Variants in C1GALT1 observed in about 807,000 individuals in gnomAD.
C1GALT1 encodes the protein core 1 synthase, glycoprotein-N-acetylgalactosamine 3-beta-galactosyltransferase 1.
In C1GALT1, 11 loss-of-function variants were observed where a neutral mutation model predicts 31.0. The ratio of observed to expected loss-of-function variants is 0.36; its 90% CI spans 0.22 to 0.59. C1GALT1 has a LOEUF of 0.59. C1GALT1 is among the 20% of genes least tolerant of loss of function. The pLI is 0.79. For missense variants in C1GALT1, 424 were observed against 425.2 expected (o/e 1.00, Z 0.03); for synonymous variants, 175 against 143.6 (o/e 1.22, Z -1.56).
At chr7:7,183,500 A>AT in intron 1 of C1GALT1, 4 of 792,472 alleles carry the variant, frequency 5.0e-6, no homozygotes, top group Non-Finnish European at 6.1e-6. Context: ...AAAGGCATTA[A>AT]ATTTTTTTTT....
In C1GALT1 at chr7:7,197,824, C is replaced by T. The variant is rs184613071; in HGVS notation, c.-18+15004C>T. Among the ~76,000 whole-genome samples, 577 of 152,232 alleles carry T rather than the reference C, an allele frequency of 3.8e-3. 5 individuals are homozygous for T. Among genetic ancestry groups the T allele is most frequent in the African/African-American group, 0.013 (551 of 41,528 alleles). On this transcript the variant is annotated intron_variant, in intron 1 of 3. Coordinates refer to ENST00000436587, the MANE Select transcript of C1GALT1 (RefSeq NM_020156.5). ...AAGCAGTCGTGAATGGGAGTTCACTCATGATTTGGCTCTCTGTCTGTTATT... is the reference window on the plus strand; with the variant it reads ...AAGCAGTCGTGAATGGGAGTTCACTTATGATTTGGCTCTCTGTCTGTTATT...
At chr7:7,220,035 T>C (rs1008866645) in intron 1 of C1GALT1, among the ~76,000 whole-genome samples, 2 of 152,236 alleles carry the variant, frequency 1.3e-5, no homozygotes, top group African/African-American at 4.8e-5. Flanking sequence ...AAGCTTATTA[T>C]GTACAGGCAC....
intron 1 of C1GALT1, among the ~76,000 whole-genome samples, chr7:7,183,753 T>G (rs1780694911): frequency 6.6e-6 from 1 of 151,998 alleles, no homozygotes; most frequent in South Asian, 2.1e-4. Context: ...TCTCAAGATT[T>G]CTAACCTAGT....
chr7:7,201,007 C>G (rs1346213159), intron 1 of C1GALT1, among the ~76,000 whole-genome samples: 3 of 152,264 alleles, frequency 2.0e-5, no homozygotes, highest in Non-Finnish European at 4.4e-5. Flanking sequence ...CTCAACTCGT[C>G]AAAGTCATTC....
chr7:7,206,191 T>G (rs1781730573), intron 1 of C1GALT1, among the ~76,000 whole-genome samples: 1 of 147,142 alleles, frequency 6.8e-6, no homozygotes, highest in East Asian at 2.1e-4. Context: ...ATAAACTAAT[T>G]TTTTAATGTG....
rs57510429 is a variant in C1GALT1 at position 7,207,335 on chromosome 7, C to CTTTTTTTTTTTTTTTTTTTTTTT, written c.-18+24523_-18+24545dup. 5.6e-4 allele frequency among the ~76,000 whole-genome samples: 27 copies of CTTTTTTTTTTTTTTTTTTTTTTT among 48,006 alleles called. 9 individuals are homozygous for CTTTTTTTTTTTTTTTTTTTTTTT. Among genetic ancestry groups the CTTTTTTTTTTTTTTTTTTTTTTT allele is most frequent in the East Asian group, 1.3e-3 (2 of 1,560 alleles). The allele number at this position is 48,006 out of a possible 152,430, so 31.5% of individuals were successfully genotyped here. On this transcript the variant is annotated intron_variant, in intron 1 of 3. Transcript: ENST00000436587. ...TCTCTGTGTTTCTCTTACTCTGTTG[C>CTTTTTTTTTTTTTTTTTTTTTTT]TTTTTTTTTTTTTTTTTTTTTTTTT... is the stretch of plus-strand genomic sequence containing the variant.
intron 1 of C1GALT1, among the ~76,000 whole-genome samples, chr7:7,211,610 G>A (rs1027597065): frequency 3.3e-5 from 5 of 152,206 alleles, no homozygotes; most frequent in Admixed American, 1.3e-4. Flanking sequence ...CACAAGTGTG[G>A]TGTAGTAGAT....
chr7:7,191,317 T>C (rs188643399), intron 1 of C1GALT1, among the ~76,000 whole-genome samples: 116 of 152,270 alleles, frequency 7.6e-4, no homozygotes, highest in African/African-American at 2.7e-3. Flanking sequence ...TATATCAGAA[T>C]TTCCTTACTT....
rs111820958 is a variant in C1GALT1, at chr7:7,221,633, C to A, written c.-17-12670C>A. ...AGTGGTTTTTAACTGTAGGATGATC[C>A]CACTGGAGTGATATATTGCTCAACC... On this transcript the variant is annotated intron_variant, in intron 1 of 3. Transcript: ENST00000436587. Among the ~76,000 whole-genome samples the A allele has an allele frequency of 4.6e-5, 7 of 152,286 alleles. 1 individual carries two copies. The highest frequency in any genetic ancestry group is 1.7e-4 in the African/African-American group (7 of 41,548).
At chr7:7,220,007 C>A (rs1460536785) in intron 1 of C1GALT1, among the ~76,000 whole-genome samples, 1 of 152,098 alleles carries the variant, frequency 6.6e-6, no homozygotes, top group Non-Finnish European at 1.5e-5. Context: ...AAATCTTTTT[C>A]ATTTAGCACA....
intron 2 of C1GALT1, among the ~76,000 whole-genome samples, chr7:7,157,972 A>C (rs766805171): frequency 1.3e-5 from 2 of 152,152 alleles, no homozygotes; most frequent in African/African-American, 4.8e-5. Context: ...GCCTCCTTTA[A>C]TGTTCAGATA....
At chr7:7,186,597 A>G (rs1023056481) in intron 1 of C1GALT1, among the ~76,000 whole-genome samples, 1 of 152,234 alleles carries the variant, frequency 6.6e-6, no homozygotes, top group Non-Finnish European at 1.5e-5. Context: ...ATGAATAAGT[A>G]AAATAATATT....
chr7:7,238,261 A>G lies in C1GALT1; in HGVS notation c.227A>G (p.Asn76Ser). ...AAAATGTTTTGTTTAATAGATGAGA[A>G]CACAGACATTGCTGAAAACCTCTAT... ...NADSSQHKDE[N>S]TDIAENLYQK... The change falls in exon 3 of 4, where the codon AAC (asparagine) becomes AGC (serine). Residue 76 changes from asparagine (N) to serine (S), a missense_variant. Physicochemically the swap from Asn to Ser is conservative, Grantham distance 46 (BLOSUM62 1). Transcript: ENST00000436587. This position sits in a 1 kb window ranked among gnomAD's most constrained non-coding sequence, Gnocchi z 5.2. 1 of 1,597,190 alleles carries G rather than the reference A, an allele frequency of 6.3e-7. No individual in the cohort carries two copies. The highest frequency in any genetic ancestry group is 1.7e-4 in the Middle Eastern group (1 of 5,924).
intron 1 of C1GALT1, among the ~76,000 whole-genome samples, chr7:7,194,659 G>A (rs1583757481): frequency 6.6e-6 from 1 of 151,882 alleles, no homozygotes; most frequent in Non-Finnish European, 1.5e-5. Context: ...TTATTTACTG[G>A]TTTTAGTATT....
At chr7:7,222,486 A>G (rs908567553) in intron 1 of C1GALT1, among the ~76,000 whole-genome samples, 1 of 152,190 alleles carries the variant, frequency 6.6e-6, no homozygotes, top group Admixed American at 6.5e-5. Context: ...TTAAATAGAA[A>G]TGTGTGTTTC....
At position 7,221,463 on chromosome 7, in the gene C1GALT1, C is replaced by G. The variant is rs990772875; in HGVS notation, c.-17-12840C>G. On this transcript the variant is annotated intron_variant, in intron 1 of 3. Coordinates refer to ENST00000436587, the MANE Select transcript of C1GALT1 (RefSeq NM_020156.5). Reference sequence around the variant, plus strand: ...CTCATTGCATAATCTCTACCAAATTCATTTAAATGTGACTGTTTGTCTTTT... The same window carrying G: ...CTCATTGCATAATCTCTACCAAATTGATTTAAATGTGACTGTTTGTCTTTT... Among the ~76,000 whole-genome samples, 6 of 149,500 alleles carry G rather than the reference C, an allele frequency of 4.0e-5. No homozygotes were observed. The South Asian group carries it at 1.2e-3, about 31-fold the overall frequency.
Position 7,233,381 on chromosome 7 carries a change from A to G in C1GALT1, c.-17-922A>G, listed in dbSNP as rs546729789. 2.0e-5 allele frequency among the ~76,000 whole-genome samples: 3 copies of G among 152,086 alleles called. No homozygotes were observed. In the South Asian group the frequency reaches 6.2e-4, roughly 32 times the overall value. On this transcript the variant is annotated intron_variant, in intron 1 of 3. Coordinates refer to ENST00000436587, the MANE Select transcript of C1GALT1 (RefSeq NM_020156.5). ...TGAGTTCAAGTGATTCTCCCACCTTATTCTTACCAATTCTTCCCAAGTATT... is the reference window on the plus strand; with the variant it reads ...TGAGTTCAAGTGATTCTCCCACCTTGTTCTTACCAATTCTTCCCAAGTATT...
At chr7:7,234,732 G>A (rs551868651) in intron 2 of C1GALT1, 193 bp downstream of exon 2, 17 of 503,796 alleles carry the variant, frequency 3.4e-5, no homozygotes, top group East Asian at 1.0e-4. Context: ...TTTTGAATTC[G>A]TTTTTAAGTA....
At chr7:7,169,362 G>A (rs539731814) in intron 2 of C1GALT1, among the ~76,000 whole-genome samples, 1 of 152,168 alleles carries the variant, frequency 6.6e-6, no homozygotes, top group African/African-American at 2.4e-5. Context: ...AGTTATTTGG[G>A]GTGTATATCT....
Sources: allele counts gnomAD v4.1 joint callset (sites outside exome capture counted in the v4.1 genomes callset), GRCh38; gene constraint gnomAD v4.1.1; non-coding constraint Gnocchi (gnomAD v3.1); transcripts MANE v1.5; gene names NCBI Gene and HGNC (gene_info 2026-07-23, HGNC 2026-07-21).